PRDM11: variants seen among roughly 807,000 people sequenced by gnomAD.
PRDM11 encodes PR domain-containing protein 11.
Under a neutral mutation model 97.8 loss-of-function variants are expected in PRDM11, and 20 were observed. That is an observed-to-expected ratio of 0.20 (90% confidence interval 0.14 to 0.30). The LOEUF (loss-of-function observed/expected upper bound fraction) is 0.30, where lower values mean the gene tolerates loss of function less well. Among genes scored for constraint, PRDM11 ranks in the 10% least tolerant of loss-of-function variants. The pLI is 1.00. For synonymous variants in PRDM11, 599 were observed against 637.7 expected, an observed-to-expected ratio of 0.94 and a Z score of 0.91; for missense variants, 1,139 against 1,555.2, an observed-to-expected ratio of 0.73 and a Z score of 4.50.
intron 5 of PRDM11, among the ~76,000 whole-genome samples, chr11:45,210,167 A>G (rs1325820983): frequency 1.3e-5 from 2 of 152,020 alleles, no homozygotes; most frequent in African/African-American, 4.8e-5. Context: ...TTGTTCCTCT[A>G]TTATTACTCC....
chr11:45,132,409 T>C (rs12419529), intron 1 of PRDM11, among the ~76,000 whole-genome samples: 18,925 of 152,182 alleles, frequency 0.12, 1,594 homozygotes, highest in Admixed American at 0.24. Context: ...GTAGTAAAAC[T>C]GTGGTTGATT....
At chr11:45,131,848 C>A (rs1273442397) in intron 1 of PRDM11, among the ~76,000 whole-genome samples, 2 of 152,166 alleles carry the variant, frequency 1.3e-5, no homozygotes, top group Admixed American at 6.5e-5. Flanking sequence ...AAAGATAGGG[C>A]AATTTCAGGG....
intron 1 of PRDM11, among the ~76,000 whole-genome samples, chr11:45,131,003 A>G (rs1232345943): frequency 6.6e-6 from 1 of 152,230 alleles, no homozygotes; most frequent in Non-Finnish European, 1.5e-5. Context: ...ACACAACTCA[A>G]ATGTCCATCA....
chr11:45,225,946 C>G, intron 7 of PRDM11, 49 bp from the exon 8 acceptor site: 1 of 1,441,954 alleles, frequency 6.9e-7, no homozygotes, highest in Admixed American at 2.6e-5. Context: ...TTTGGAAAAG[C>G]CTGTTTTCTC....
At chr11:45,129,492 T>C (rs1432070455) in intron 1 of PRDM11, among the ~76,000 whole-genome samples, 2 of 152,196 alleles carry the variant, frequency 1.3e-5, no homozygotes, top group Admixed American at 6.5e-5. Flanking sequence ...TATATTTATA[T>C]ACTAGTAAAA....
rs543440438 is a variant in PRDM11 at position 45,195,230 on chromosome 11, C to G, written c.487-9481C>G. ...GCTTTATTGAGATGTAATTCACATA[C>G]TATATAATTCACCCATTTAAAATGT... On this transcript the variant is annotated intron_variant, in intron 4 of 7. Coordinates refer to ENST00000683152, the MANE Select transcript of PRDM11 (RefSeq NM_001384648.1). Among the ~76,000 whole-genome samples the G allele has an allele frequency of 2.4e-4, 37 of 152,294 alleles. 1 individual carries two copies. The highest frequency in any genetic ancestry group is 8.9e-4 in the African/African-American group (37 of 41,552).
At chr11:45,101,567 A>AAAAAAAAAAAAAGAAGAAG (rs767802218) in intron 1 of PRDM11, among the ~76,000 whole-genome samples, 8 of 96,832 alleles carry the variant, frequency 8.3e-5, no homozygotes, top group South Asian at 2.8e-4. Context: ...AAAAAAAAAA[A>AAAAAAAAAAAAAGAAGAAG]AAGAAGAAGA....
chr11:45,100,114 T>A (rs557922504), intron 1 of PRDM11, among the ~76,000 whole-genome samples: 2 of 152,234 alleles, frequency 1.3e-5, no homozygotes, highest in Non-Finnish European at 2.9e-5. Context: ...CAACACATCC[T>A]ACATCAATTA....
At chr11:45,125,511 A>T (rs965423797) in intron 1 of PRDM11, among the ~76,000 whole-genome samples, 3 of 152,056 alleles carry the variant, frequency 2.0e-5, no homozygotes, top group Non-Finnish European at 4.4e-5. Flanking sequence ...ACTGCTTTGA[A>T]TGTGTCCCAG....
chr11:45,197,144 A>G (rs1853152293), intron 4 of PRDM11, among the ~76,000 whole-genome samples: 1 of 152,214 alleles, frequency 6.6e-6, no homozygotes, highest in Non-Finnish European at 1.5e-5. Context: ...CTCATTAACT[A>G]GGTCTCCAGA....
chr11:45,228,240 ATATAT>A lies in PRDM11; in HGVS notation c.*107_*111del, dbSNP rs72446887. ...ATAAGCTTTGATATATTATATAAAT[ATATAT>A]TATATTATATTATATTATATTATAT... On this transcript the variant is annotated 3_prime_UTR_variant, in exon 8 of 8. Coordinates refer to ENST00000683152, the MANE Select transcript of PRDM11 (RefSeq NM_001384648.1). 0.55 allele frequency: 124,516 copies of A among 226,160 alleles called. 34,778 individuals are homozygous for A. The highest frequency in any genetic ancestry group is 0.65 in the African/African-American group (26,271 of 40,288). 14.0% of individuals were successfully genotyped at this position (226,160 alleles called of 1,614,324 possible).
intron 1 of PRDM11, among the ~76,000 whole-genome samples, chr11:45,115,200 A>T (rs1477581040): frequency 1.3e-5 from 2 of 152,126 alleles, no homozygotes; most frequent in African/African-American, 4.8e-5. Context: ...AACACAAAGC[A>T]AAGGTTCTTA....
At chr11:45,150,501 G>A (rs976813830) in intron 1 of PRDM11, among the ~76,000 whole-genome samples, 5 of 152,210 alleles carry the variant, frequency 3.3e-5, no homozygotes, top group African/African-American at 4.8e-5. Context: ...GCTGGGGACA[G>A]GATGAGGGAA....
chr11:45,119,378 A>G (rs1184403590), intron 1 of PRDM11, among the ~76,000 whole-genome samples: 1 of 152,152 alleles, frequency 6.6e-6, no homozygotes, highest in African/African-American at 2.4e-5. Flanking sequence ...CTGTAATCCC[A>G]GCACTTTGGG....
chr11:45,113,444 G>A (rs1852228015), intron 1 of PRDM11, among the ~76,000 whole-genome samples: 1 of 151,896 alleles, frequency 6.6e-6, no homozygotes. Flanking sequence ...GGATTTTTTG[G>A]GTTCCACAAT....
chr11:45,225,996 C>T lies in PRDM11; in HGVS notation c.1371C>T (p.Ala457=), dbSNP rs997683076. ...LELPEFSDPA[A]SESMVSGPAI... Reference sequence around the variant, plus strand: ...GTTTCTTTCCCATTTGTTTTTCAGCCTCAGAAAGCATGGTCTCCGGCCCCG... The same window carrying T: ...GTTTCTTTCCCATTTGTTTTTCAGCTTCAGAAAGCATGGTCTCCGGCCCCG... The change falls in exon 8 of 8, where the codon GCC becomes GCT. Residue 457 remains alanine, a splice_region_variant and synonymous_variant. Transcript: ENST00000683152. 1 of 1,482,862 alleles carries T rather than the reference C, an allele frequency of 6.7e-7. No individual in the cohort carries two copies. Among genetic ancestry groups the T allele is most frequent in the Non-Finnish European group, 8.9e-7 (1 of 1,118,368 alleles). 91.9% of individuals were successfully genotyped at this position (1,482,862 alleles called of 1,614,324 possible). A position where few individuals can be genotyped will look rare whatever the true frequency, so the allele number is the denominator to read the frequency against.
chr11:45,217,874 T>A (rs1854004040), intron 5 of PRDM11, among the ~76,000 whole-genome samples: 1 of 152,232 alleles, frequency 6.6e-6, no homozygotes, highest in South Asian at 2.1e-4. Flanking sequence ...AGTTGCTTAT[T>A]GAGGGAAACT....
At chr11:45,194,774 A>ATT (rs1853054393) in intron 4 of PRDM11, among the ~76,000 whole-genome samples, 2 of 149,280 alleles carry the variant, frequency 1.3e-5, no homozygotes, top group South Asian at 4.3e-4. Flanking sequence ...AATTTTTTGT[A>ATT]TTTTTAGTAG....
chr11:45,139,580 A>C (rs1852954554), intron 1 of PRDM11, among the ~76,000 whole-genome samples: 1 of 151,988 alleles, frequency 6.6e-6, no homozygotes, highest in Non-Finnish European at 1.5e-5. Context: ...AAAAAAAAAA[A>C]AAAAAAAAAA....
Sources: allele counts gnomAD v4.1 joint callset (sites outside exome capture counted in the v4.1 genomes callset), GRCh38; gene constraint gnomAD v4.1.1; transcripts MANE v1.5; gene names NCBI Gene and HGNC (gene_info 2026-07-23, HGNC 2026-07-21).